Variants in ASS1 observed in about 807,000 individuals in gnomAD.
The protein encoded by ASS1 is argininosuccinate synthase 1.
ASS1 carries 58 observed loss-of-function variants against 60.5 expected under a neutral mutation model. The ratio of observed to expected loss-of-function variants is 0.96; its 90% CI spans 0.78 to 1.19. The LOEUF is 1.19. Ranked by LOEUF, ASS1 falls within the 50% of genes most tolerant of loss-of-function variation. The probability of loss-of-function intolerance (pLI) is 0.00; values close to 1 mark genes in which losing one functional copy is unlikely to be tolerated. For synonymous variants in ASS1, 200 were observed against 206.9 expected (o/e 0.97, Z 0.29); for missense variants, 454 against 547.3 (o/e 0.83, Z 1.70).
In ASS1 at chr9:130,483,754, G is replaced by C. The variant is rs922796300; in HGVS notation, c.838+3305G>C. ...TGCCCCCGCCTTGCTCCTCCTCCTTGCCTTCCTTTCCTCCTCCCTCTCTCC... is the reference window on the plus strand; with the variant it reads ...TGCCCCCGCCTTGCTCCTCCTCCTTCCCTTCCTTTCCTCCTCCCTCTCTCC... On this transcript the variant is annotated intron_variant, in intron 11 of 14. Coordinates refer to ENST00000352480, the MANE Select transcript of ASS1 (RefSeq NM_054012.4). Among the ~76,000 whole-genome samples the C allele has an allele frequency of 6.5e-3, 282 of 43,306 alleles. 1 individual carries two copies. Among genetic ancestry groups the C allele is most frequent in the African/African-American group, 0.037 (273 of 7,324 alleles). The allele number at this position is 43,306 out of a possible 152,430, so 28.4% of individuals were successfully genotyped here.
rs2118863459 is a variant in ASS1 at position 130,489,114 on chromosome 9, T to C, written c.839-219T>C. Among the ~76,000 whole-genome samples the C allele has an allele frequency of 6.6e-6, 1 of 152,266 alleles. No individual in the cohort carries two copies. The highest frequency in any genetic ancestry group is 2.4e-5 in the African/African-American group (1 of 41,550). On this transcript the variant is annotated intron_variant, in intron 11 of 14. Transcript: ENST00000352480. This position sits in a 1 kb window ranked among gnomAD's most constrained non-coding sequence, Gnocchi z 4.1. Reference sequence around the variant, plus strand: ...CCCTTCAAAGGGGGCATCTAGACATTTTCTCCACAAGCCGCAGAGTGGACT... The same window carrying C: ...CCCTTCAAAGGGGGCATCTAGACATCTTCTCCACAAGCCGCAGAGTGGACT...
At chr9:130,482,018 C>T (rs1176459966) in intron 11 of ASS1, among the ~76,000 whole-genome samples, 1 of 152,102 alleles carries the variant, frequency 6.6e-6, no homozygotes, top group Non-Finnish European at 1.5e-5. Flanking sequence ...CTGGGAGGGA[C>T]CTTGAGGAGC....
In ASS1 at chr9:130,466,761, CGGTTCAAG is replaced by C. The variant is rs1004492719; in HGVS notation, c.460_467del (p.Phe154ProfsTer3). 1 of 1,614,166 alleles carries C rather than the reference CGGTTCAAG, an allele frequency of 6.2e-7. No homozygotes were observed. Among genetic ancestry groups the C allele is most frequent in the Non-Finnish European group, 8.5e-7 (1 of 1,180,040 alleles). ...CTGGAGGATGCCTGAATTCTACAAC[CGGTTCAAG>C]GGCCGCAATGACCTGATGGAGTACG... On this transcript the variant is annotated frameshift_variant, in exon 6 of 15. Transcript: ENST00000352480. LOFTEE classifies it high-confidence loss of function.
At chr9:130,479,956 G>T in intron 10 of ASS1, 156 bp downstream of exon 10, 1 of 917,054 alleles carries the variant, frequency 1.1e-6, no homozygotes, top group Admixed American at 1.8e-5. Flanking sequence ...CGGACCAGGG[G>T]GACCCATTTG....
chr9:130,500,490 C>T (rs887661833), intron 14 of ASS1, among the ~76,000 whole-genome samples: 31 of 152,106 alleles, frequency 2.0e-4, no homozygotes, highest in African/African-American at 7.2e-4. Context: ...TTGCTAACAA[C>T]ATGCCCTGGG....
chr9:130,484,616 A>G (rs970876261), intron 11 of ASS1, among the ~76,000 whole-genome samples: 7 of 152,122 alleles, frequency 4.6e-5, no homozygotes, highest in Non-Finnish European at 1.0e-4. Context: ...ACGGCAACAC[A>G]GAGGCTCAGC....
chr9:130,456,140 G>A (rs996569643), intron 3 of ASS1, among the ~76,000 whole-genome samples: 2 of 152,192 alleles, frequency 1.3e-5, no homozygotes, highest in Admixed American at 6.5e-5. Flanking sequence ...TCTAATTTAC[G>A]TGGCGTTTTT....
chr9:130,464,083 C>G, intron 4 of ASS1, 28 bp from the exon 5 acceptor site: 1 of 1,613,896 alleles, frequency 6.2e-7, no homozygotes, highest in East Asian at 2.2e-5. Flanking sequence ...TCCTGTGGCT[C>G]CTGACAGCCC....
At chr9:130,458,860 C>G (rs917355282) in intron 4 of ASS1, among the ~76,000 whole-genome samples, 2 of 152,234 alleles carry the variant, frequency 1.3e-5, no homozygotes, top group Non-Finnish European at 2.9e-5. Flanking sequence ...GCTGCTGAGG[C>G]CTGGGGACAT....
At chr9:130,449,930 G>T (rs908680103) in intron 1 of ASS1, among the ~76,000 whole-genome samples, 1 of 152,208 alleles carries the variant, frequency 6.6e-6, no homozygotes, top group African/African-American at 2.4e-5. Context: ...ACTTTGTTAT[G>T]ATGTTGGCAC....
intron 6 of ASS1, among the ~76,000 whole-genome samples, chr9:130,467,758 A>G (rs1264632213): frequency 2.0e-5 from 3 of 152,202 alleles, no homozygotes; most frequent in African/African-American, 7.2e-5. Context: ...CCTTGATGAT[A>G]TAGAATATGA....
intron 9 of ASS1, among the ~76,000 whole-genome samples, chr9:130,479,109 C>A (rs571735845): frequency 9.3e-5 from 14 of 149,988 alleles, no homozygotes; most frequent in Non-Finnish European, 1.5e-4. Flanking sequence ...ACTGCCCCCA[C>A]CCAACCCCTT....
intron 4 of ASS1, among the ~76,000 whole-genome samples, chr9:130,460,297 A>G (rs1274900603): frequency 6.6e-6 from 1 of 152,162 alleles, no homozygotes; most frequent in East Asian, 1.9e-4. Context: ...ATGTCTTTGA[A>G]AGTCCAAGTG....
At chr9:130,467,039 G>C (rs1033111621) in intron 6 of ASS1, among the ~76,000 whole-genome samples, 2 of 152,200 alleles carry the variant, frequency 1.3e-5, no homozygotes, top group African/African-American at 2.4e-5. Flanking sequence ...CCATTTCCCA[G>C]TCCCCCGAGC....
intron 11 of ASS1, among the ~76,000 whole-genome samples, chr9:130,484,892 C>G (rs1219878404): frequency 1.3e-5 from 2 of 152,190 alleles, no homozygotes; most frequent in African/African-American, 2.4e-5. Context: ...ACAATTAACA[C>G]TTTCGAAGAA....
chr9:130,484,257 C>T (rs1177408468), intron 11 of ASS1, among the ~76,000 whole-genome samples: 1 of 152,184 alleles, frequency 6.6e-6, no homozygotes, highest in Admixed American at 6.5e-5. Context: ...ACCTCCAGCC[C>T]AGGCCCCAGC....
intron 5 of ASS1, 81 bp downstream of exon 5, chr9:130,464,248 G>T: frequency 1.3e-6 from 2 of 1,509,264 alleles, no homozygotes; most frequent in Non-Finnish European, 1.8e-6. Context: ...GGTTCTGGGA[G>T]ATTCCACAGG....
intron 8 of ASS1, among the ~76,000 whole-genome samples, chr9:130,475,049 G>A (rs1203370404): frequency 6.6e-6 from 1 of 152,228 alleles, no homozygotes; most frequent in Non-Finnish European, 1.5e-5. Context: ...CCCTGTCTTA[G>A]AAGGATCAAT....
intron 1 of ASS1, among the ~76,000 whole-genome samples, chr9:130,448,094 A>T (rs1278006033): frequency 6.6e-6 from 1 of 151,162 alleles, no homozygotes; most frequent in Non-Finnish European, 1.5e-5. Context: ...TCTCCCTGTC[A>T]CTTCCTCCCC....
Sources: allele counts gnomAD v4.1 joint callset (sites outside exome capture counted in the v4.1 genomes callset), GRCh38; gene constraint gnomAD v4.1.1; non-coding constraint Gnocchi (gnomAD v3.1); transcripts MANE v1.5; gene names NCBI Gene and HGNC (gene_info 2026-07-23, HGNC 2026-07-21).